ADAMTS3: variants seen among roughly 807,000 people sequenced by gnomAD.
The protein encoded by ADAMTS3 is A disintegrin and metalloproteinase with thrombospondin motifs 3.
A neutral mutation model predicts 129.0 loss-of-function variants in ADAMTS3; 73 were observed. The observed-to-expected ratio is 0.57, with a 90% CI of 0.47 to 0.69. The LOEUF (loss-of-function observed/expected upper bound fraction) is 0.69, where lower values mean the gene tolerates loss of function less well. Among genes scored for constraint, ADAMTS3 ranks in the 30% least tolerant of loss-of-function variants. The pLI, the probability that ADAMTS3 is intolerant of heterozygous loss-of-function variation, is 0.00. For missense variants in ADAMTS3, 1,457 were observed against 1,514.5 expected (o/e 0.96, Z 0.63); for synonymous variants, 477 against 510.8 (o/e 0.93, Z 0.89).
intron 3 of ADAMTS3, among the ~76,000 whole-genome samples, chr4:72,516,292 T>TCG (rs1720476517): frequency 6.6e-6 from 1 of 152,208 alleles, no homozygotes; most frequent in Non-Finnish European, 1.5e-5. Flanking sequence ...CTTCGTTCTT[T>TCG]TAGCTTAGGA....
chr4:72,531,154 A>G (rs967340613), intron 3 of ADAMTS3, among the ~76,000 whole-genome samples: 1 of 152,024 alleles, frequency 6.6e-6, no homozygotes, highest in African/African-American at 2.4e-5. Context: ...GTAACATTGG[A>G]GATATAATAA....
chr4:72,296,910 C>A (rs1261727688), intron 18 of ADAMTS3, among the ~76,000 whole-genome samples: 2 of 151,984 alleles, frequency 1.3e-5, no homozygotes, highest in East Asian at 1.9e-4. Context: ...TGTCTTACGG[C>A]ATTTACTAGT....
chr4:72,520,203 T>TGTCTCAGAGGAGTACCCGGCC (rs1720623172), intron 3 of ADAMTS3, among the ~76,000 whole-genome samples: 1 of 152,174 alleles, frequency 6.6e-6, no homozygotes, highest in Non-Finnish European at 1.5e-5. Flanking sequence ...CTGGAAGTTT[T>TGTCTCAGAGGAGTACCCGGCC]GTCTCAGAGG....
intron 5 of ADAMTS3, among the ~76,000 whole-genome samples, chr4:72,338,451 G>A (rs1720044649): frequency 6.6e-6 from 1 of 152,044 alleles, no homozygotes; most frequent in Non-Finnish European, 1.5e-5. Flanking sequence ...CAGAGATATG[G>A]TATAAGTGTA....
intron 19 of ADAMTS3, among the ~76,000 whole-genome samples, chr4:72,294,459 C>A (rs1012732585): frequency 1.3e-5 from 2 of 151,896 alleles, no homozygotes; most frequent in Non-Finnish European, 2.9e-5. Flanking sequence ...AATGTGTGTA[C>A]CACAAAAAAT....
intron 3 of ADAMTS3, among the ~76,000 whole-genome samples, chr4:72,463,911 A>G (rs1578703780): frequency 6.6e-6 from 1 of 151,886 alleles, no homozygotes; most frequent in South Asian, 2.1e-4. Flanking sequence ...TAGCATTAGC[A>G]CCAGCCAAGC....
intron 3 of ADAMTS3, among the ~76,000 whole-genome samples, chr4:72,476,990 T>TA (rs936070910): frequency 6.6e-6 from 1 of 152,098 alleles, no homozygotes; most frequent in Non-Finnish European, 1.5e-5. Flanking sequence ...TCATTTGTAA[T>TA]AAAAAATGCT....
chr4:72,523,544 ATACAT>A lies in ADAMTS3; in HGVS notation c.504+24929_504+24933del, dbSNP rs199539306. 6.4e-3 allele frequency among the ~76,000 whole-genome samples: 974 copies of A among 152,214 alleles called. 11 individuals are homozygous for A. Among genetic ancestry groups the A allele is most frequent in the African/African-American group, 0.021 (860 of 41,566 alleles). ...CCAGCATAACATGTGAAACAATACT[ATACAT>A]TACATTACATTACATTTTAATTAAG... On this transcript the variant is annotated intron_variant, in intron 3 of 21. Coordinates refer to ENST00000286657, the MANE Select transcript of ADAMTS3 (RefSeq NM_014243.3).
At chr4:72,384,905 A>T (rs1343826308) in intron 4 of ADAMTS3, among the ~76,000 whole-genome samples, 2 of 152,200 alleles carry the variant, frequency 1.3e-5, no homozygotes, top group Non-Finnish European at 2.9e-5. Context: ...GTGGTGGCTC[A>T]CGCCTGTAAT....
intron 3 of ADAMTS3, among the ~76,000 whole-genome samples, chr4:72,537,819 T>A (rs1721220110): frequency 6.6e-6 from 1 of 152,174 alleles, no homozygotes; most frequent in Non-Finnish European, 1.5e-5. Flanking sequence ...GTGGCAGTAT[T>A]AGCAGATCTA....
Position 72,421,107 on chromosome 4 carries a change from C to CCTAAAAT in ADAMTS3, c.505-6143_505-6137dup, listed in dbSNP as rs145350116. Among the ~76,000 whole-genome samples the CCTAAAAT allele has an allele frequency of 7.1e-3, 1,084 of 152,318 alleles. 18 individuals are homozygous for CCTAAAAT. The highest frequency in any genetic ancestry group is 0.025 in the African/African-American group (1,036 of 41,572). On this transcript the variant is annotated intron_variant, in intron 3 of 21. Transcript: ENST00000286657. ...TTAGGAAACTGTCATATAGGAAATT[C>CCTAAAAT]CTAAAATCTAAACTCTAGACCATGG... is the stretch of plus-strand genomic sequence containing the variant.
chr4:72,515,379 T>C (rs1269754180), intron 3 of ADAMTS3, among the ~76,000 whole-genome samples: 2 of 151,850 alleles, frequency 1.3e-5, no homozygotes, highest in Non-Finnish European at 2.9e-5. Flanking sequence ...TCAAATGGTA[T>C]TTCTAGTTCT....
intron 3 of ADAMTS3, among the ~76,000 whole-genome samples, chr4:72,455,536 T>C (rs946620785): frequency 1.3e-5 from 2 of 150,008 alleles, no homozygotes; most frequent in African/African-American, 4.9e-5. Flanking sequence ...GATGGGTTGA[T>C]GGGTGCAGCA....
intron 3 of ADAMTS3, among the ~76,000 whole-genome samples, chr4:72,537,054 C>A (rs1721200279): frequency 6.6e-6 from 1 of 152,190 alleles, no homozygotes; most frequent in South Asian, 2.1e-4. Flanking sequence ...ACTCTGTAGT[C>A]TACTGAAGGC....
chr4:72,369,165 A>G (rs1241569278), intron 4 of ADAMTS3, among the ~76,000 whole-genome samples: 1 of 152,240 alleles, frequency 6.6e-6, no homozygotes, highest in Non-Finnish European at 1.5e-5. Flanking sequence ...TTTACTTCGT[A>G]TATAACTAAT....
At chr4:72,396,168 G>A (rs2109899705) in intron 4 of ADAMTS3, among the ~76,000 whole-genome samples, 1 of 152,276 alleles carries the variant, frequency 6.6e-6, no homozygotes, top group East Asian at 1.9e-4. Context: ...TCCAGAAACT[G>A]GTGGAGGGTT....
At chr4:72,490,856 A>C (rs796430783) in intron 3 of ADAMTS3, among the ~76,000 whole-genome samples, 1 of 151,824 alleles carries the variant, frequency 6.6e-6, no homozygotes, top group African/African-American at 2.4e-5. Flanking sequence ...TTGTTTTTCT[A>C]TATCTGTAAC....
At chr4:72,383,790 T>G (rs1356951728) in intron 4 of ADAMTS3, among the ~76,000 whole-genome samples, 1 of 151,986 alleles carries the variant, frequency 6.6e-6, no homozygotes, top group Non-Finnish European at 1.5e-5. Context: ...AATTCAAAAT[T>G]AGATACATAA....
chr4:72,335,746 T>C (rs1160492300), intron 5 of ADAMTS3, among the ~76,000 whole-genome samples: 3 of 152,172 alleles, frequency 2.0e-5, no homozygotes, highest in Admixed American at 6.6e-5. Context: ...GGAAAGAATA[T>C]ATGATACCCA....
Sources: gnomAD v4.1 joint callset for allele counts (sites outside exome capture counted in the v4.1 genomes callset) on GRCh38, gnomAD v4.1.1 for gene constraint, MANE v1.5 for transcripts, NCBI Gene and HGNC (gene_info 2026-07-23, HGNC 2026-07-21) for gene names.